CSMD1: variants seen among roughly 807,000 people sequenced by gnomAD.
CSMD1 encodes CUB and Sushi multiple domains 1, also known as CUB and sushi domain-containing protein 1.
Under a neutral mutation model 417.5 loss-of-function variants are expected in CSMD1, and 213 were observed. The observed-to-expected ratio is 0.51, with a 90% CI of 0.46 to 0.57. CSMD1 has a LOEUF of 0.57. Among genes scored for constraint, CSMD1 ranks in the 20% least tolerant of loss-of-function variants. The pLI is 0.00. For missense variants in CSMD1, 6,923 were observed against 4,529.7 expected (o/e 1.53, Z -15.17); for synonymous variants, 2,862 against 1,736.8 (o/e 1.65, Z -16.11).
chr8:3,275,781 A>T (rs2117183111), intron 26 of CSMD1, among the ~76,000 whole-genome samples: 2 of 152,196 alleles, frequency 1.3e-5, no homozygotes, highest in South Asian at 4.1e-4. Flanking sequence ...CAGCTCCATC[A>T]GCTCCTTTAA....
chr8:3,989,803 G>T (rs748809361), intron 5 of CSMD1, among the ~76,000 whole-genome samples: 1 of 152,188 alleles, frequency 6.6e-6, no homozygotes, highest in Non-Finnish European at 1.5e-5. Context: ...TGGATAGCAC[G>T]TGCCAACAGG....
At chr8:4,258,621 A>C (rs1202915613) in intron 3 of CSMD1, among the ~76,000 whole-genome samples, 1 of 101,826 alleles carries the variant, frequency 9.8e-6, no homozygotes, top group Admixed American at 9.7e-5. Flanking sequence ...AGGGGCACTC[A>C]TTCTAACATG....
intron 6 of CSMD1, among the ~76,000 whole-genome samples, chr8:3,737,947 C>T (rs559087740): frequency 6.6e-6 from 1 of 152,134 alleles, no homozygotes; most frequent in Non-Finnish European, 1.5e-5. Context: ...AAGGGAAATT[C>T]TTAAAAGAAA....
intron 25 of CSMD1, among the ~76,000 whole-genome samples, chr8:3,300,562 C>A (rs909936673): frequency 3.9e-5 from 6 of 151,918 alleles, no homozygotes; most frequent in African/African-American, 9.7e-5. Flanking sequence ...ACCCTTTGAC[C>A]CAGCAAACAA....
intron 2 of CSMD1, among the ~76,000 whole-genome samples, chr8:4,622,331 A>C (rs1801830305): frequency 6.6e-6 from 1 of 152,094 alleles, no homozygotes; most frequent in African/African-American, 2.4e-5. Context: ...GGCAGCAAAA[A>C]TGCATGCTGA....
intron 1 of CSMD1, among the ~76,000 whole-genome samples, chr8:4,909,591 C>T (rs1805524997): frequency 6.6e-6 from 1 of 152,080 alleles, no homozygotes; most frequent in South Asian, 2.1e-4. Context: ...AGGGATATTC[C>T]TGGAATTTTC....
At chr8:3,738,317 C>T (rs538695034) in intron 6 of CSMD1, among the ~76,000 whole-genome samples, 1 of 152,146 alleles carries the variant, frequency 6.6e-6, no homozygotes, top group South Asian at 2.1e-4. Flanking sequence ...GTGTATTTTG[C>T]ATATTTCAAT....
intron 37 of CSMD1, among the ~76,000 whole-genome samples, chr8:3,178,858 C>G (rs963933215): frequency 6.6e-6 from 1 of 151,744 alleles, no homozygotes; most frequent in African/African-American, 2.4e-5. Context: ...ATCAGAAAAT[C>G]TTTTGGCGAT....
intron 41 of CSMD1, chr8:3,128,976 C>G: frequency 2.4e-6 from 1 of 417,468 alleles, no homozygotes. Context: ...ACAAACAATA[C>G]TAGCATGGAG....
At chr8:3,174,751 G>C (rs1004559069) in intron 37 of CSMD1, among the ~76,000 whole-genome samples, 1 of 152,030 alleles carries the variant, frequency 6.6e-6, no homozygotes, top group Non-Finnish European at 1.5e-5. Context: ...CTAGGTGGCT[G>C]ATATATTTAT....
chr8:4,954,369 T>C (rs1224767841), intron 1 of CSMD1, among the ~76,000 whole-genome samples: 2 of 152,140 alleles, frequency 1.3e-5, no homozygotes, highest in Non-Finnish European at 2.9e-5. Context: ...AAAGACACAT[T>C]TTTTGTGTGT....
chr8:4,629,257 T>C (rs1333934084), intron 2 of CSMD1, among the ~76,000 whole-genome samples: 1 of 152,184 alleles, frequency 6.6e-6, no homozygotes, highest in African/African-American at 2.4e-5. Context: ...TATACAAAAA[T>C]GTTGCAGCAA....
At chr8:3,527,703 G>C (rs917812137) in intron 10 of CSMD1, among the ~76,000 whole-genome samples, 43 of 152,126 alleles carry the variant, frequency 2.8e-4, no homozygotes, top group African/African-American at 1.0e-3. Context: ...AGAGCAATGT[G>C]ACCCTTACCA....
chr8:4,432,134 T>A (rs1292860232), intron 2 of CSMD1, among the ~76,000 whole-genome samples: 1 of 152,204 alleles, frequency 6.6e-6, no homozygotes, highest in African/African-American at 2.4e-5. Context: ...AATAAATCCT[T>A]GCTAAAGCAT....
At chr8:3,702,110 C>T (rs1800904787) in intron 7 of CSMD1, 1 of 151,988 alleles carries the variant, frequency 6.6e-6, no homozygotes, top group Admixed American at 6.6e-5. Flanking sequence ...GTTATTTTTC[C>T]CAGGGGCATA....
intron 25 of CSMD1, among the ~76,000 whole-genome samples, chr8:3,304,210 C>G (rs982521316): frequency 2.6e-5 from 4 of 152,008 alleles, no homozygotes; most frequent in African/African-American, 4.8e-5. Flanking sequence ...TTTTAAAGAG[C>G]TAAATTAATC....
intron 5 of CSMD1, among the ~76,000 whole-genome samples, chr8:3,924,134 A>G (rs1231553118): frequency 6.6e-6 from 1 of 152,166 alleles, no homozygotes; most frequent in Non-Finnish European, 1.5e-5. Flanking sequence ...GTATCTCTCC[A>G]TTTATGAAGG....
intron 1 of CSMD1, among the ~76,000 whole-genome samples, chr8:4,776,900 A>G (rs1174617422): frequency 1.3e-5 from 2 of 152,250 alleles, no homozygotes; most frequent in Non-Finnish European, 2.9e-5. Flanking sequence ...AAAGGAGATC[A>G]TAACACTTCC....
intron 2 of CSMD1, among the ~76,000 whole-genome samples, chr8:4,555,414 A>G (rs989935113): frequency 3.3e-5 from 5 of 152,148 alleles, no homozygotes; most frequent in African/African-American, 1.2e-4. Flanking sequence ...GCGCAGGTGC[A>G]TGGAGACCAG....
Sources: gnomAD v4.1 joint callset for allele counts (sites outside exome capture counted in the v4.1 genomes callset) on GRCh38, gnomAD v4.1.1 for gene constraint, MANE v1.5 for transcripts, NCBI Gene and HGNC (gene_info 2026-07-23, HGNC 2026-07-21) for gene names.